The following CEP152 variants were observed in gnomAD, a reference collection of about 807,000 sequenced individuals.
CEP152 encodes centrosomal protein of 152 kDa.
A neutral mutation model predicts 188.9 loss-of-function variants in CEP152; 132 were observed. The ratio of observed to expected loss-of-function variants is 0.70; its 90% CI spans 0.61 to 0.81. The LOEUF (loss-of-function observed/expected upper bound fraction) is 0.81, where lower values mean the gene tolerates loss of function less well. Among genes scored for constraint, CEP152 ranks in the 30% least tolerant of loss-of-function variants. CEP152 has a pLI of 0.00. For missense variants in CEP152, 1,914 were observed against 1,969.8 expected (o/e 0.97, Z 0.54); for synonymous variants, 649 against 666.6 (o/e 0.97, Z 0.41).
At chr15:48,799,617 T>A (rs564455947) in intron 2 of CEP152, among the ~76,000 whole-genome samples, 10 of 152,304 alleles carry the variant, frequency 6.6e-5, no homozygotes, top group Non-Finnish European at 1.3e-4. Context: ...AATGCTCATC[T>A]CCACATGCAA....
At chr15:48,808,869 A>G (rs1051408598) in intron 1 of CEP152, among the ~76,000 whole-genome samples, 1 of 152,180 alleles carries the variant, frequency 6.6e-6, no homozygotes, top group Non-Finnish European at 1.5e-5. Context: ...CTCAAGGCTG[A>G]CCACTTGAGA....
At chr15:48,755,494 G>A (rs1894187881) in intron 20 of CEP152, among the ~76,000 whole-genome samples, 2 of 152,012 alleles carry the variant, frequency 1.3e-5, no homozygotes, top group Non-Finnish European at 2.9e-5. Context: ...CCCTTAGAAA[G>A]AACAGCATAT....
chr15:48,749,085 G>C (rs554441457), intron 21 of CEP152, among the ~76,000 whole-genome samples: 1 of 152,132 alleles, frequency 6.6e-6, no homozygotes, highest in Non-Finnish European at 1.5e-5. Flanking sequence ...AGCTGAATCT[G>C]GGACAATTTG....
rs1595573118 is a variant in CEP152, at chr15:48,732,556, G to A, written c.142+9075C>T. ...ACACCAGGGCCTGTTGGGGGTTTGG[G>A]GTGAGGGGAGGGAACTTAAGAGGAT... On this transcript the variant is annotated intron_variant and NMD_transcript_variant, in intron 2 of 3. Coordinates refer to the CEP152 transcript ENST00000561245. Among the ~76,000 whole-genome samples the A allele has an allele frequency of 2.0e-5, 3 of 151,928 alleles. No homozygotes were observed. In the South Asian group the frequency reaches 6.2e-4, roughly 32 times the overall value.
intron 12 of CEP152, among the ~76,000 whole-genome samples, chr15:48,774,257 T>C (rs537126215): frequency 3.3e-5 from 5 of 152,212 alleles, no homozygotes; most frequent in East Asian, 1.9e-4. Context: ...TTTTCCAACA[T>C]GTGTAACTGA....
chr15:48,782,254 T>G lies in CEP152; in HGVS notation c.1322-24A>C, dbSNP rs368656752. On this transcript the variant is annotated intron_variant, in intron 10 of 26. Coordinates refer to ENST00000380950, the MANE Select transcript of CEP152 (RefSeq NM_001194998.2). ...CCCTGCAGAGGAAAGAACCATAGGA[T>G]ATACTGAAAAAATTAAGGGGACAAA... The G allele has an allele frequency of 1.3e-3, 2,017 of 1,606,030 alleles. 2 individuals are homozygous for G. Among genetic ancestry groups the G allele is most frequent in the Non-Finnish European group, 1.5e-3 (1,818 of 1,173,064 alleles).
intron 2 of CEP152, among the ~76,000 whole-genome samples, chr15:48,804,479 A>G (rs1325319863): frequency 8.5e-5 from 13 of 152,220 alleles, no homozygotes; most frequent in Admixed American, 8.5e-4. Context: ...TGGGTCATAT[A>G]AAAAATAGCG....
downstream of CEP152, among the ~76,000 whole-genome samples, chr15:48,737,729 A>G (rs1255318867): frequency 1.3e-5 from 2 of 152,230 alleles, no homozygotes; most frequent in Non-Finnish European, 2.9e-5. Flanking sequence ...CTCTAACTGA[A>G]AAAAAGATCA....
In CEP152 at chr15:48,756,413, G is replaced by C. The variant is rs1894274694; in HGVS notation, c.2835C>G (p.Val945=). The C allele has an allele frequency of 4.3e-6, 7 of 1,613,120 alleles. No homozygotes were observed. The highest frequency in any genetic ancestry group is 8.5e-7 in the Non-Finnish European group (1 of 1,179,502). ...QKELELKNEE[V]PVVIRAELAK... The stretch of plus-strand genomic sequence containing the variant: ...CTAACTCAGCCCTGATGACCACAGG[G>C]ACTTCTTCGTTCTTTAACTCAAGTT... The change falls in exon 20 of 27, where the codon GTC becomes GTG. Residue 945 remains valine, a synonymous_variant. Transcript: ENST00000380950.
intron 12 of CEP152, among the ~76,000 whole-genome samples, chr15:48,777,253 C>T (rs1895973679): frequency 6.6e-6 from 1 of 151,808 alleles, no homozygotes; most frequent in Non-Finnish European, 1.5e-5. Flanking sequence ...TTAATTGTAA[C>T]AAATGTACCA....
Position 48,738,700 on chromosome 15 carries a change from G to A in CEP152, c.4682C>T (p.Pro1561Leu). The A allele has an allele frequency of 6.2e-7, 1 of 1,614,160 alleles. No individual in the cohort carries two copies. The highest frequency in any genetic ancestry group is 2.2e-5 in the East Asian group (1 of 44,876). ...KSQGLDVQEP[P>L]VKDGGDLSDC... ...ACTAAGGTCCCCTCCATCTTTTACT[G>A]GAGGTTCCTGAACATCCAAACCTTG... The change falls in exon 27 of 27, where the codon CCA becomes CTA. Residue 1561 changes from proline (P) to leucine (L), a missense_variant. By Grantham distance (98) the Pro-to-Leu change is moderately conservative (BLOSUM62 -3). Coordinates refer to ENST00000380950, the MANE Select transcript of CEP152 (RefSeq NM_001194998.2).
chr15:48,732,234 G>A (rs1457768133), intron 2 of CEP152, among the ~76,000 whole-genome samples: 1 of 152,140 alleles, frequency 6.6e-6, no homozygotes, highest in Middle Eastern at 3.2e-3. Context: ...ACATGCACAC[G>A]TATGTTTCCT....
In CEP152 at chr15:48,752,448, T is replaced by TA; in HGVS notation, c.3366dup (p.Lys1123Ter). 6.2e-7 allele frequency: 1 copy of TA among 1,613,752 alleles called. No individual in the cohort carries two copies. On this transcript the variant is annotated frameshift_variant, in exon 21 of 27. Coordinates refer to ENST00000380950, the MANE Select transcript of CEP152 (RefSeq NM_001194998.2). LOFTEE classifies it high-confidence loss of function. ...CCAGTGCCCTGGCTGGCAGAATCCT[T>TA]AGAGAGCTCGGCCATATTTCTCTGA...
chr15:48,742,195 T>C lies in CEP152; in HGVS notation c.3836-95A>G, dbSNP rs188257056. ...GACTTCAGATCAATTTTCTGGTAGA[T>C]GAAGTGATTTTAAGTATAGTTTAAA... is the stretch of plus-strand genomic sequence containing the variant. On this transcript the variant is annotated intron_variant, in intron 24 of 26. Coordinates refer to ENST00000380950, the MANE Select transcript of CEP152 (RefSeq NM_001194998.2). 299 of 1,091,876 alleles carry C rather than the reference T, an allele frequency of 2.7e-4. 1 individual carries two copies. The East Asian group carries it at 4.6e-3, about 17-fold the overall frequency. The allele number at this position is 1,091,876 out of a possible 1,614,324, so 67.6% of individuals were successfully genotyped here.
At chr15:48,757,045 C>G (rs1365851368) in intron 19 of CEP152, among the ~76,000 whole-genome samples, 6 of 151,986 alleles carry the variant, frequency 3.9e-5, no homozygotes, top group Non-Finnish European at 7.4e-5. Context: ...CAATACCAAA[C>G]AGAAAAAGTC....
At position 48,762,549 on chromosome 15, in the gene CEP152, CACT is replaced by C. The variant is rs765628778; in HGVS notation, c.2401_2403del (p.Ser801del). 4.5e-5 allele frequency: 72 copies of C among 1,613,914 alleles called. 1 individual carries two copies. In the Admixed American group the frequency reaches 1.2e-3, roughly 26 times the overall value. ...GCCATCTCTTTCTTGGAAATAACAT[CACT>C]GGTGGTTACTTGGTCAGTTTGGCTG... On this transcript the variant is annotated inframe_deletion, in exon 18 of 27. Coordinates refer to ENST00000380950, the MANE Select transcript of CEP152 (RefSeq NM_001194998.2).
At chr15:48,805,433 G>T in intron 2 of CEP152, 130 bp downstream of exon 2, 1 of 1,249,582 alleles carries the variant, frequency 8.0e-7, no homozygotes, top group Non-Finnish European at 1.1e-6. Flanking sequence ...GCAGATTTTA[G>T]GGTTGTTTTT....
rs1013536677 is a variant in CEP152 at position 48,798,187 on chromosome 15, G to A, written c.88-136C>T. ...TTCCCTCCTTTAATTAACTTCTTAA[G>A]TTCCACACAAATTATATTCATCATT... On this transcript the variant is annotated intron_variant, in intron 2 of 26. Transcript: ENST00000380950. 8.2e-5 allele frequency: 57 copies of A among 693,452 alleles called. No individual in the cohort carries two copies. In the East Asian group the frequency reaches 1.6e-3, roughly 19 times the overall value. The allele number at this position is 693,452 out of a possible 1,614,324, so 43.0% of individuals were successfully genotyped here.
At chr15:48,784,142 G>T in intron 9 of CEP152, 22 bp from the exon 10 acceptor site, 1 of 1,606,314 alleles carries the variant, frequency 6.2e-7, no homozygotes, top group Non-Finnish European at 8.5e-7. Context: ...AAAAGTTCAG[G>T]AAGTCATTTT....
Sources: gnomAD v4.1 joint callset for allele counts (sites outside exome capture counted in the v4.1 genomes callset) on GRCh38, gnomAD v4.1.1 for gene constraint, MANE v1.5 for transcripts, NCBI Gene and HGNC (gene_info 2026-07-23, HGNC 2026-07-21) for gene names.